MFHAS1: variants seen among roughly 807,000 people sequenced by gnomAD.
MFHAS1 encodes multifunctional ROCO family signaling regulator 1, also known as malignant fibrous histiocytoma-amplified sequence 1.
Under a neutral mutation model 70.4 loss-of-function variants are expected in MFHAS1, and 50 were observed. The observed-to-expected ratio is 0.71, with a 90% CI of 0.57 to 0.90. MFHAS1 has a LOEUF of 0.90. Ranked by LOEUF, MFHAS1 falls within the 40% of genes least tolerant of loss-of-function variation. MFHAS1 has a pLI of 0.00. For synonymous variants in MFHAS1, 952 were observed against 620.0 expected, an observed-to-expected ratio of 1.54 and a Z score of -7.96; for missense variants, 1,795 against 1,347.6, an observed-to-expected ratio of 1.33 and a Z score of -5.20.
In MFHAS1 at chr8:8,891,425, C is replaced by A. The variant is rs1810029508; in HGVS notation, c.1634G>T (p.Arg545Leu). 1 of 1,612,808 alleles carries A rather than the reference C, an allele frequency of 6.2e-7. No individual in the cohort carries two copies. Among genetic ancestry groups the A allele is most frequent in the Admixed American group, 1.7e-5 (1 of 60,032 alleles). Residue 545 changes from arginine to leucine, a missense_variant, in exon 1 of 3, where the codon CGT becomes CTT. Coordinates refer to ENST00000276282, the MANE Select transcript of MFHAS1 (RefSeq NM_004225.3). The surrounding 1 kb of genome is among the most constrained non-coding windows in gnomAD (Gnocchi z 5.4). ...GTCCAGACATTTCTCCTCCAGCTCA[C>A]GCTCTCCGCACAGGTCTGCGTGGGT... ...VGTHADLCGERELEEKCLDIH... is the reference protein window; with the variant it reads ...VGTHADLCGELELEEKCLDIH...
At chr8:8,797,883 T>C (rs770747874) in intron 1 of MFHAS1, among the ~76,000 whole-genome samples, 1 of 152,120 alleles carries the variant, frequency 6.6e-6, no homozygotes, top group African/African-American at 2.4e-5. Flanking sequence ...TAATTAGGAT[T>C]TGGGGCAGAT....
chr8:8,851,461 C>G (rs973934885), intron 1 of MFHAS1, among the ~76,000 whole-genome samples: 1 of 152,116 alleles, frequency 6.6e-6, no homozygotes, highest in Non-Finnish European at 1.5e-5. Context: ...GGTCTAGATA[C>G]CACAAAACAG....
At position 8,797,150 on chromosome 8, in the gene MFHAS1, T is replaced by TAA. The variant is rs11355520; in HGVS notation, c.3125+213_3125+214dup. ...AATGTTCTGACTTTATTAGCTAAAG[T>TAA]AAAAAAAAAAAAAAAAATCACAAAA... is the stretch of plus-strand genomic sequence containing the variant. On this transcript the variant is annotated intron_variant, in intron 2 of 2. Transcript: ENST00000276282. Among the ~76,000 whole-genome samples, 812 of 141,500 alleles carry TAA rather than the reference T, an allele frequency of 5.7e-3. 9 individuals carry two copies. The highest frequency in any genetic ancestry group is 0.017 in the African/African-American group (634 of 37,932). 92.8% of individuals were successfully genotyped at this position (141,500 alleles called of 152,430 possible).
At chr8:8,867,005 TG>T (rs1248722707) in intron 1 of MFHAS1, among the ~76,000 whole-genome samples, 1 of 152,010 alleles carries the variant, frequency 6.6e-6, no homozygotes, top group Non-Finnish European at 1.5e-5. Flanking sequence ...AAGGTGACAG[TG>T]GGAAAAAAAA....
chr8:8,833,547 T>G (rs1212987797), intron 1 of MFHAS1, among the ~76,000 whole-genome samples: 1 of 152,118 alleles, frequency 6.6e-6, no homozygotes, highest in Non-Finnish European at 1.5e-5. Flanking sequence ...GAAGACTGCT[T>G]GAAACCAGGA....
intron 1 of MFHAS1, among the ~76,000 whole-genome samples, chr8:8,863,193 A>G (rs1014647988): frequency 6.6e-6 from 1 of 152,216 alleles, no homozygotes; most frequent in Non-Finnish European, 1.5e-5. Flanking sequence ...ATCTGTTTAT[A>G]CTTACGCCAA....
chr8:8,788,020 T>A (rs966076832), intron 2 of MFHAS1, among the ~76,000 whole-genome samples: 2 of 152,232 alleles, frequency 1.3e-5, no homozygotes, highest in African/African-American at 2.4e-5. Flanking sequence ...TCAAGATCCA[T>A]CTCAAGTACG....
intron 1 of MFHAS1, among the ~76,000 whole-genome samples, chr8:8,802,826 G>A (rs1026450767): frequency 6.6e-6 from 1 of 152,170 alleles, no homozygotes; most frequent in African/African-American, 2.4e-5. Flanking sequence ...GAAACATGAT[G>A]AGGCAACAGC....
At position 8,892,390 on chromosome 8, in the gene MFHAS1, G is replaced by C; in HGVS notation, c.669C>G (p.Ile223Met). ...GGATCTTGAGGGCACGCAGGGCACT[G>C]ATATCCTCAGGCAGGCCCCGCAGCC... ...SNRLRGLPED[I>M]SALRALKILW... is the part of the protein sequence containing the mutation. Residue 223 changes from isoleucine to methionine, a missense_variant, in exon 1 of 3, where the codon ATC becomes ATG. By Grantham distance (10) the Ile-to-Met change is conservative (BLOSUM62 1). Coordinates refer to ENST00000276282, the MANE Select transcript of MFHAS1 (RefSeq NM_004225.3). The surrounding 1 kb of genome is among the most constrained non-coding windows in gnomAD (Gnocchi z 4.7). The C allele has an allele frequency of 1.2e-6, 2 of 1,612,910 alleles. No homozygotes were observed. The highest frequency in any genetic ancestry group is 1.7e-6 in the Non-Finnish European group (2 of 1,179,914).
chr8:8,791,730 C>G (rs1473791482), intron 2 of MFHAS1, among the ~76,000 whole-genome samples: 2 of 152,156 alleles, frequency 1.3e-5, no homozygotes, highest in Non-Finnish European at 2.9e-5. Context: ...TAGGTTTGCC[C>G]TATCTTTTGA....
chr8:8,890,863 G>C lies in MFHAS1; in HGVS notation c.2196C>G (p.Arg732=). 6.2e-7 allele frequency: 1 copy of C among 1,614,180 alleles called. No individual in the cohort carries two copies. The highest frequency in any genetic ancestry group is 8.5e-7 in the Non-Finnish European group (1 of 1,180,040). Residue 732 remains arginine, a synonymous_variant, in exon 1 of 3, where the codon CGC becomes CGG. Coordinates refer to ENST00000276282, the MANE Select transcript of MFHAS1 (RefSeq NM_004225.3). ...LKEHVFHNLT[R]LIDILNVFFQ... The stretch of plus-strand genomic sequence containing the variant: ...AGAAGACATTGAGGATGTCGATGAG[G>C]CGGGTGAGGTTGTGGAAGACGTGCT...
intron 1 of MFHAS1, among the ~76,000 whole-genome samples, chr8:8,872,620 T>C (rs1259712413): frequency 6.6e-6 from 1 of 152,154 alleles, no homozygotes; most frequent in Non-Finnish European, 1.5e-5. Context: ...TAGGCTCGGA[T>C]GCATGAACAG....
chr8:8,827,269 T>G (rs961798428), intron 1 of MFHAS1, among the ~76,000 whole-genome samples: 2 of 152,248 alleles, frequency 1.3e-5, no homozygotes, highest in African/African-American at 4.8e-5. Flanking sequence ...GTTATTTTTG[T>G]GTACATGCTG....
chr8:8,876,230 C>T (rs1460789089), intron 1 of MFHAS1, among the ~76,000 whole-genome samples: 4 of 152,186 alleles, frequency 2.6e-5, no homozygotes, highest in Non-Finnish European at 5.9e-5. Context: ...AGAGCTCTTG[C>T]AACTAACCAC....
chr8:8,837,503 G>A (rs1431137516), intron 1 of MFHAS1, among the ~76,000 whole-genome samples: 3 of 152,074 alleles, frequency 2.0e-5, no homozygotes, highest in Admixed American at 6.6e-5. Context: ...TTAGCCAAGC[G>A]TGGTGGCGCA....
intron 1 of MFHAS1, among the ~76,000 whole-genome samples, chr8:8,819,486 T>G (rs1290518125): frequency 2.0e-5 from 3 of 151,090 alleles, no homozygotes; most frequent in Non-Finnish European, 4.4e-5. Context: ...GTGCCTGCAG[T>G]CCCAGCTACT....
intron 1 of MFHAS1, among the ~76,000 whole-genome samples, chr8:8,849,372 C>T (rs1808156411): frequency 6.6e-6 from 1 of 152,140 alleles, no homozygotes; most frequent in Non-Finnish European, 1.5e-5. Flanking sequence ...TGAGCCACCG[C>T]ACCCAGCCTT....
intron 1 of MFHAS1, among the ~76,000 whole-genome samples, chr8:8,842,254 C>T (rs1403494872): frequency 4.6e-5 from 7 of 152,002 alleles, no homozygotes; most frequent in Non-Finnish European, 1.0e-4. Flanking sequence ...GGCTCAACCT[C>T]GGCTCACTGC....
intron 1 of MFHAS1, among the ~76,000 whole-genome samples, chr8:8,808,492 T>C (rs1161209570): frequency 6.6e-6 from 1 of 152,218 alleles, no homozygotes; most frequent in Non-Finnish European, 1.5e-5. Flanking sequence ...GCGATTTGGA[T>C]CTGCCAAAGA....
Sources: gnomAD v4.1 joint callset for allele counts (sites outside exome capture counted in the v4.1 genomes callset) on GRCh38, gnomAD v4.1.1 for gene constraint, Gnocchi (gnomAD v3.1) non-coding constraint, MANE v1.5 for transcripts, NCBI Gene and HGNC (gene_info 2026-07-23, HGNC 2026-07-21) for gene names.